The following CNTLN variants were observed in gnomAD, a reference collection of about 807,000 sequenced individuals.
CNTLN encodes the protein centlein.
Under a neutral mutation model 180.0 loss-of-function variants are expected in CNTLN, and 212 were observed. The ratio of observed to expected loss-of-function variants is 1.18; its 90% CI spans 1.05 to 1.32. The LOEUF (loss-of-function observed/expected upper bound fraction) is 1.32, where lower values mean the gene tolerates loss of function less well. Ranked by LOEUF, CNTLN falls within the 40% of genes most tolerant of loss-of-function variation. The pLI is 0.00. For synonymous variants in CNTLN, 722 were observed against 563.1 expected, an observed-to-expected ratio of 1.28 and a Z score of -3.99; for missense variants, 2,095 against 1,610.9, an observed-to-expected ratio of 1.30 and a Z score of -5.14.
intron 1 of CNTLN, among the ~76,000 whole-genome samples, chr9:17,136,556 C>G (rs1298030235): frequency 3.9e-5 from 6 of 152,178 alleles, no homozygotes; most frequent in Non-Finnish European, 8.8e-5. Flanking sequence ...GTCTCGATCT[C>G]CTGACCTCGT....
intron 6 of CNTLN, among the ~76,000 whole-genome samples, chr9:17,280,618 G>A (rs870270): frequency 0.17 from 25,121 of 152,070 alleles, 2,259 homozygotes; most frequent in South Asian, 0.28. Flanking sequence ...ATGCATTGTT[G>A]TTCTGGCCAT....
At chr9:17,305,757 G>T (rs1759463) in intron 7 of CNTLN, among the ~76,000 whole-genome samples, 4 of 152,018 alleles carry the variant, frequency 2.6e-5, no homozygotes, top group East Asian at 1.9e-4. Context: ...AGTTAAAAAT[G>T]GCTGGAGGAC....
intron 8 of CNTLN, among the ~76,000 whole-genome samples, chr9:17,323,590 G>A (rs1283815724): frequency 1.3e-5 from 2 of 152,132 alleles, no homozygotes; most frequent in African/African-American, 4.8e-5. Context: ...TAGAAATGAG[G>A]GAGAAGCTAA....
intron 18 of CNTLN, among the ~76,000 whole-genome samples, chr9:17,433,684 G>C (rs1484924826): frequency 6.6e-6 from 1 of 152,078 alleles, no homozygotes; most frequent in Non-Finnish European, 1.5e-5. Flanking sequence ...CTAGAGTGCA[G>C]TGACGTGATC....
chr9:17,516,172 A>G, the CNTLN span, among the ~76,000 whole-genome samples: 1 of 152,164 alleles, frequency 6.6e-6, no homozygotes, highest in African/African-American at 2.4e-5. Context: ...TACCCTGACT[A>G]CATTCTCCAC....
chr9:17,523,642 T>C, the CNTLN span, among the ~76,000 whole-genome samples: 88,764 of 152,136 alleles, frequency 0.58, 30,296 homozygotes, highest in East Asian at 0.92. Flanking sequence ...ATCTTATGGA[T>C]TATTTGCTTT....
intron 16 of CNTLN, among the ~76,000 whole-genome samples, chr9:17,410,754 C>G: frequency 6.6e-6 from 1 of 151,984 alleles, no homozygotes; most frequent in East Asian, 1.9e-4. Context: ...TTAAGTTTAC[C>G]AATTTTTCCC....
intron 2 of CNTLN, among the ~76,000 whole-genome samples, chr9:17,182,858 G>C (rs950545135): frequency 2.6e-5 from 4 of 152,178 alleles, no homozygotes; most frequent in African/African-American, 9.7e-5. Flanking sequence ...TTGCCATGAA[G>C]CTGTATTCAG....
chr9:17,342,495 T>A (rs1339265120), intron 12 of CNTLN, 51 bp downstream of exon 12: 8 of 1,503,202 alleles, frequency 5.3e-6, no homozygotes, highest in Non-Finnish European at 7.2e-6. Context: ...TTGGGAGAAA[T>A]TTTTTCATGG....
At chr9:17,152,608 A>C (rs1450667906) in intron 2 of CNTLN, among the ~76,000 whole-genome samples, 1 of 152,118 alleles carries the variant, frequency 6.6e-6, no homozygotes, top group Non-Finnish European at 1.5e-5. Context: ...AATAAATGTG[A>C]TGTGGTGCTG....
intron 18 of CNTLN, among the ~76,000 whole-genome samples, chr9:17,435,929 T>C (rs933436306): frequency 6.6e-6 from 1 of 152,080 alleles, no homozygotes; most frequent in Admixed American, 6.6e-5. Context: ...TCCCTAGCCC[T>C]CGTCCACCCA....
chr9:17,147,253 G>T (rs533050780), intron 2 of CNTLN, among the ~76,000 whole-genome samples: 5 of 152,150 alleles, frequency 3.3e-5, no homozygotes, highest in Non-Finnish European at 5.9e-5. Flanking sequence ...TTCTAATTCT[G>T]TTGCTTGCCC....
intron 2 of CNTLN, among the ~76,000 whole-genome samples, chr9:17,187,025 T>C (rs1821473523): frequency 6.6e-6 from 1 of 152,044 alleles, no homozygotes; most frequent in African/African-American, 2.4e-5. Flanking sequence ...TTATATACAT[T>C]AATACTTTAC....
chr9:17,445,970 A>G (rs1830389096), intron 18 of CNTLN, among the ~76,000 whole-genome samples: 1 of 152,222 alleles, frequency 6.6e-6, no homozygotes, highest in Non-Finnish European at 1.5e-5. Flanking sequence ...TGCGGGCAGC[A>G]ATACTGCTTT....
chr9:17,247,094 T>A (rs1341439070), intron 5 of CNTLN, among the ~76,000 whole-genome samples: 2 of 152,136 alleles, frequency 1.3e-5, no homozygotes, highest in East Asian at 3.9e-4. Context: ...TGCCTTTGCT[T>A]AGATGATGGG....
the CNTLN span, among the ~76,000 whole-genome samples, chr9:17,512,907 C>A: frequency 6.6e-6 from 1 of 152,148 alleles, no homozygotes; most frequent in African/African-American, 2.4e-5. Context: ...AGCTCCGCCT[C>A]CCGGGTTCAC....
intron 2 of CNTLN, among the ~76,000 whole-genome samples, chr9:17,164,838 CTTT>C (rs565706282): frequency 7.4e-6 from 1 of 134,552 alleles, no homozygotes; most frequent in Non-Finnish European, 1.6e-5. Flanking sequence ...TTCTTTCTTT[CTTT>C]TTTTTTTTTT....
At chr9:17,189,073 GTTTTTTTTTTTTTT>G (rs1175101171) in intron 2 of CNTLN, among the ~76,000 whole-genome samples, 1 of 68,920 alleles carries the variant, frequency 1.5e-5, no homozygotes, top group Non-Finnish European at 2.7e-5. Flanking sequence ...TTGGGACTTA[GTTTTTTTTTTTTTT>G]TTTTTTTTTT....
intron 1 of CNTLN, among the ~76,000 whole-genome samples, chr9:17,137,156 A>T (rs1817775528): frequency 6.6e-6 from 1 of 152,224 alleles, no homozygotes; most frequent in Non-Finnish European, 1.5e-5. Context: ...GACTAGGAAA[A>T]TGATTGACAT....
Sources: allele counts gnomAD v4.1 joint callset (sites outside exome capture counted in the v4.1 genomes callset), GRCh38; gene constraint gnomAD v4.1.1; transcripts MANE v1.5; gene names NCBI Gene and HGNC (gene_info 2026-07-23, HGNC 2026-07-21).